Variants in SLC22A23 observed in about 807,000 individuals in gnomAD.
SLC22A23 encodes the protein solute carrier family 22 member 23, also known as ion transporter protein.
In SLC22A23, 26 loss-of-function variants were observed where a neutral mutation model predicts 61.0. The ratio of observed to expected loss-of-function variants is 0.43; its 90% CI spans 0.31 to 0.59. SLC22A23 has a LOEUF of 0.59. Ranked by LOEUF, SLC22A23 falls within the 20% of genes least tolerant of loss-of-function variation. The pLI, the probability that SLC22A23 is intolerant of heterozygous loss-of-function variation, is 0.11. For missense variants in SLC22A23, 796 were observed against 934.7 expected, an observed-to-expected ratio of 0.85 and a Z score of 1.94; for synonymous variants, 430 against 413.9, an observed-to-expected ratio of 1.04 and a Z score of -0.47.
At chr6:3,279,891 G>T (rs1759279822) in intron 9 of SLC22A23, among the ~76,000 whole-genome samples, 1 of 152,170 alleles carries the variant, frequency 6.6e-6, no homozygotes, top group African/African-American at 2.4e-5. Context: ...AATAAGGTAG[G>T]AAAACTGATA....
chr6:3,331,833 T>C (rs1026696688), intron 3 of SLC22A23, among the ~76,000 whole-genome samples: 3 of 152,318 alleles, frequency 2.0e-5, no homozygotes, highest in East Asian at 3.9e-4. Flanking sequence ...TCCCCTCCCA[T>C]CCACTGGAAT....
At chr6:3,295,496 CGGT>C (rs1761007276) in intron 5 of SLC22A23, among the ~76,000 whole-genome samples, 1 of 152,064 alleles carries the variant, frequency 6.6e-6, no homozygotes, top group Non-Finnish European at 1.5e-5. Context: ...GGCTTGAAGC[CGGT>C]GGTGATGTGA....
At chr6:3,445,714 G>A (rs1049640777) in intron 1 of SLC22A23, among the ~76,000 whole-genome samples, 1 of 152,190 alleles carries the variant, frequency 6.6e-6, no homozygotes, top group African/African-American at 2.4e-5. Context: ...CTGAAGGAAG[G>A]AGGGAAGGGG....
At chr6:3,315,320 A>G (rs1344818700) in intron 4 of SLC22A23, among the ~76,000 whole-genome samples, 1 of 152,234 alleles carries the variant, frequency 6.6e-6, no homozygotes, top group Non-Finnish European at 1.5e-5. Context: ...AACCTGGAAC[A>G]CTGCCGTGAC....
intron 3 of SLC22A23, among the ~76,000 whole-genome samples, chr6:3,392,148 G>A (rs954910675): frequency 1.3e-5 from 2 of 152,244 alleles, no homozygotes; most frequent in Non-Finnish European, 2.9e-5. Flanking sequence ...GCAATTGGGT[G>A]TGGATAGGTT....
chr6:3,325,441 C>G (rs528755893), intron 3 of SLC22A23, among the ~76,000 whole-genome samples: 24 of 152,312 alleles, frequency 1.6e-4, no homozygotes, highest in African/African-American at 5.5e-4. Flanking sequence ...TGCTCAGCCA[C>G]AAGCAAACAG....
chr6:3,284,895 G>A (rs1282149201), intron 8 of SLC22A23, 184 bp downstream of exon 8: 2 of 1,535,986 alleles, frequency 1.3e-6, no homozygotes, highest in Non-Finnish European at 1.7e-6. Context: ...TCTTTCTAGA[G>A]GCAAGAGGGA....
intron 9 of SLC22A23, among the ~76,000 whole-genome samples, chr6:3,275,415 T>C (rs1315726331): frequency 4.6e-5 from 7 of 152,318 alleles, no homozygotes. Context: ...GGCAAAGATT[T>C]CTTACACATA....
chr6:3,412,660 G>A (rs1769350655), intron 2 of SLC22A23, among the ~76,000 whole-genome samples: 2 of 152,164 alleles, frequency 1.3e-5, no homozygotes, highest in African/African-American at 4.8e-5. Context: ...GAACCTGTGA[G>A]TATTTTACCT....
chr6:3,452,824 T>C (rs59851507), intron 1 of SLC22A23, among the ~76,000 whole-genome samples: 1 of 151,818 alleles, frequency 6.6e-6, no homozygotes, highest in South Asian at 2.1e-4. Context: ...AGGCAAAAAA[T>C]AAAAAGATCC....
At chr6:3,431,876 G>C (rs1450621421) in intron 1 of SLC22A23, among the ~76,000 whole-genome samples, 2 of 152,198 alleles carry the variant, frequency 1.3e-5, no homozygotes, top group Admixed American at 6.5e-5. Context: ...TTCTGTTTTA[G>C]AGGTCTAGAG....
intron 1 of SLC22A23, among the ~76,000 whole-genome samples, chr6:3,435,777 T>C (rs1467937316): frequency 3.3e-5 from 5 of 152,050 alleles, no homozygotes; most frequent in African/African-American, 7.2e-5. Flanking sequence ...TGTTTGGAAA[T>C]AGGGTTTTTA....
rs1363276290 is a variant in SLC22A23, at chr6:3,270,126, T to A, written c.*2929A>T. 1 of 152,380 alleles carries A rather than the reference T, an allele frequency of 6.6e-6. No individual in the cohort carries two copies. Among genetic ancestry groups the A allele is most frequent in the Non-Finnish European group, 1.5e-5 (1 of 68,052 alleles). 9.4% of individuals were successfully genotyped at this position (152,380 alleles called of 1,614,324 possible). A position where few individuals can be genotyped will look rare whatever the true frequency, so the allele number is the denominator to read the frequency against. ...TCAGGTGTTCACATTTGTGCATAACTTTTATTGAAAGGCTGACAGGGTAGG... is the reference window on the plus strand; with the variant it reads ...TCAGGTGTTCACATTTGTGCATAACATTTATTGAAAGGCTGACAGGGTAGG... On this transcript the variant is annotated 3_prime_UTR_variant, in exon 10 of 10. Coordinates refer to ENST00000406686, the MANE Select transcript of SLC22A23 (RefSeq NM_015482.2).
Position 3,324,317 on chromosome 6 carries a change from C to T in SLC22A23, c.914-315G>A, listed in dbSNP as rs1763152025. 6.1e-6 allele frequency: 2 copies of T among 325,292 alleles called. No homozygotes were observed. Among genetic ancestry groups the T allele is most frequent in the South Asian group, 5.4e-5 (1 of 18,666 alleles). 20.2% of individuals were successfully genotyped at this position (325,292 alleles called of 1,614,324 possible). On this transcript the variant is annotated intron_variant, in intron 3 of 9. Coordinates refer to ENST00000406686, the MANE Select transcript of SLC22A23 (RefSeq NM_015482.2). This position sits in a 1 kb window ranked among gnomAD's most constrained non-coding sequence, Gnocchi z 4.3. ...TGGGACAGATCGCCCATTGTTCCTG[C>T]TTCCTCTGCTCTCCAGACGTCACTG...
chr6:3,280,708 A>AG (rs1305767984), intron 9 of SLC22A23, among the ~76,000 whole-genome samples: 25 of 152,092 alleles, frequency 1.6e-4, no homozygotes, highest in South Asian at 8.3e-4. Context: ...CGTGTTAGCC[A>AG]GATCCTCTCG....
chr6:3,330,234 G>T lies in SLC22A23; in HGVS notation c.914-6232C>A, dbSNP rs1036958873. Among the ~76,000 whole-genome samples the T allele has an allele frequency of 6.6e-6, 1 of 152,204 alleles. No individual in the cohort carries two copies. Among genetic ancestry groups the T allele is most frequent in the Non-Finnish European group, 1.5e-5 (1 of 68,024 alleles). On this transcript the variant is annotated intron_variant, in intron 3 of 9. Transcript: ENST00000406686. This position sits in a 1 kb window ranked among gnomAD's most constrained non-coding sequence, Gnocchi z 4.7. ...CACCAGCAGCGGGAAAATGTGGAAAGGAAGGAGGTGCAGTTTTCTCAACAG... is the reference window on the plus strand; with the variant it reads ...CACCAGCAGCGGGAAAATGTGGAAATGAAGGAGGTGCAGTTTTCTCAACAG...
intron 3 of SLC22A23, among the ~76,000 whole-genome samples, chr6:3,362,246 T>C (rs990304049): frequency 3.3e-5 from 5 of 150,406 alleles, no homozygotes; most frequent in Non-Finnish European, 7.4e-5. Context: ...TCTACTAAAA[T>C]ACAAAAAATT....
intron 3 of SLC22A23, among the ~76,000 whole-genome samples, chr6:3,409,904 T>A (rs975314981): frequency 2.0e-5 from 3 of 152,048 alleles, no homozygotes; most frequent in African/African-American, 7.2e-5. Context: ...ACCGAAAGCC[T>A]CTCCATATCA....
At chr6:3,434,048 C>T (rs2127542698) in intron 1 of SLC22A23, among the ~76,000 whole-genome samples, 1 of 152,368 alleles carries the variant, frequency 6.6e-6, no homozygotes, top group South Asian at 2.1e-4. Context: ...GGTACAGTGG[C>T]TCACCCCTGT....
Sources: allele counts gnomAD v4.1 joint callset (sites outside exome capture counted in the v4.1 genomes callset), GRCh38; gene constraint gnomAD v4.1.1; non-coding constraint Gnocchi (gnomAD v3.1); transcripts MANE v1.5; gene names NCBI Gene and HGNC (gene_info 2026-07-23, HGNC 2026-07-21).